LOXHD1: variants seen among roughly 807,000 people sequenced by gnomAD.
LOXHD1 encodes the protein lipoxygenase homology domain-containing protein 1.
Under a neutral mutation model 248.2 loss-of-function variants are expected in LOXHD1, and 205 were observed. That is an observed-to-expected ratio of 0.83 (90% confidence interval 0.74 to 0.93). The LOEUF is 0.93. Among genes scored for constraint, LOXHD1 ranks in the 40% least tolerant of loss-of-function variants. The pLI, the probability that LOXHD1 is intolerant of heterozygous loss-of-function variation, is 0.00. For synonymous variants in LOXHD1, 1,113 were observed against 1,162.8 expected (o/e 0.96, Z 0.87); for missense variants, 2,930 against 2,971.6 (o/e 0.99, Z 0.33).
chr18:46,621,295 G>C (rs1002862363), intron 4 of LOXHD1, among the ~76,000 whole-genome samples: 4 of 152,176 alleles, frequency 2.6e-5, no homozygotes, highest in Non-Finnish European at 4.4e-5. Context: ...CCATTTTTTA[G>C]AAGTCCCCAT....
intron 34 of LOXHD1, among the ~76,000 whole-genome samples, chr18:46,515,262 G>A (rs2035187562): frequency 6.6e-6 from 1 of 152,160 alleles, no homozygotes; most frequent in South Asian, 2.1e-4. Flanking sequence ...AGCAAGCTGT[G>A]CCCATGACAC....
intron 21 of LOXHD1, among the ~76,000 whole-genome samples, chr18:46,551,057 C>T (rs1788270): frequency 6.6e-6 from 1 of 151,950 alleles, no homozygotes; most frequent in Non-Finnish European, 1.5e-5. Context: ...TTCTCATCCC[C>T]TTCTTCAAAA....
chr18:46,601,424 C>A lies in LOXHD1; in HGVS notation c.927G>T (p.Gly309=), dbSNP rs749677224. 1.2e-5 allele frequency: 18 copies of A among 1,551,694 alleles called. No homozygotes were observed. Among genetic ancestry groups the A allele is most frequent in the African/African-American group, 5.5e-5 (4 of 73,146 alleles). The change falls in exon 8 of 41, where the codon GGG becomes GGT. Residue 309 remains glycine (G), a synonymous_variant. Coordinates refer to ENST00000642948, the MANE Select transcript of LOXHD1 (RefSeq NM_001384474.1). The part of the protein sequence containing the change: ...IVTVFTGDVR[G]AGTKSKIYLV... The stretch of plus-strand genomic sequence containing the variant: ...AGTAGATTTTGGATTTGGTACCAGC[C>A]CCCCGGACATCCCCAGTGAAGACGG...
intron 34 of LOXHD1, among the ~76,000 whole-genome samples, chr18:46,512,111 G>A (rs2034996746): frequency 6.6e-6 from 1 of 152,176 alleles, no homozygotes; most frequent in African/African-American, 2.4e-5. Context: ...CAGCCTAGGA[G>A]GATGAGAGGA....
intron 24 of LOXHD1, 81 bp from the exon 25 acceptor site, chr18:46,542,021 T>G: frequency 7.4e-7 from 1 of 1,353,906 alleles, no homozygotes; most frequent in Non-Finnish European, 9.9e-7. Context: ...GACTCCTGAC[T>G]TCCTTCCTTA....
Position 46,579,762 on chromosome 18 carries a change from C to G in LOXHD1, c.1677G>C (p.Val559=). 1 of 1,551,830 alleles carries G rather than the reference C, an allele frequency of 6.4e-7. No homozygotes were observed. The highest frequency in any genetic ancestry group is 8.7e-7 in the Non-Finnish European group (1 of 1,147,018). Residue 559 remains valine, a synonymous_variant, in exon 13 of 41, where the codon GTG becomes GTC. Coordinates refer to ENST00000642948, the MANE Select transcript of LOXHD1 (RefSeq NM_001384474.1). ...CAGCACCTTCAAGTTCACCTGTGCACACAGTCACATGGTACCGGGCCACTG... is the reference window on the plus strand; with the variant it reads ...CAGCACCTTCAAGTTCACCTGTGCAGACAGTCACATGGTACCGGGCCACTG... The part of the protein sequence containing the change: ...IMGMARYHVT[V]CTGELEGAGT...
chr18:46,591,480 TTAAAG>T (rs1163565332), intron 12 of LOXHD1, among the ~76,000 whole-genome samples: 6 of 152,372 alleles, frequency 3.9e-5, no homozygotes, highest in African/African-American at 4.8e-5. Flanking sequence ...GATTCCACAT[TTAAAG>T]CTTAGTCCTT....
chr18:46,591,809 T>C, intron 12 of LOXHD1, 124 bp downstream of exon 12: 1 of 1,238,250 alleles, frequency 8.1e-7, no homozygotes, highest in Non-Finnish European at 1.1e-6. Flanking sequence ...CCAAATCCAC[T>C]CTGGCACTCT....
chr18:46,640,306 T>C (rs1463276008), intron 3 of LOXHD1, among the ~76,000 whole-genome samples: 3 of 152,208 alleles, frequency 2.0e-5, no homozygotes, highest in Non-Finnish European at 4.4e-5. Context: ...ACACAGCTTA[T>C]ACCCTGGGGC....
chr18:46,645,630 G>A (rs1438088976), intron 2 of LOXHD1, among the ~76,000 whole-genome samples: 1 of 152,124 alleles, frequency 6.6e-6, no homozygotes, highest in Non-Finnish European at 1.5e-5. Flanking sequence ...GCTTAACTGG[G>A]GTGGGGTCGG....
intron 4 of LOXHD1, among the ~76,000 whole-genome samples, chr18:46,631,591 G>T (rs2038823440): frequency 6.6e-6 from 1 of 152,166 alleles, no homozygotes. Context: ...AAAAGAGGAG[G>T]ATGAAAGAGA....
intron 14 of LOXHD1, among the ~76,000 whole-genome samples, chr18:46,575,028 G>GA (rs2037828328): frequency 6.6e-6 from 1 of 152,148 alleles, no homozygotes; most frequent in Admixed American, 6.5e-5. Flanking sequence ...CAGTTCCCTG[G>GA]CTTTAAATTC....
At chr18:46,554,189 G>A (rs1206912) in intron 21 of LOXHD1, among the ~76,000 whole-genome samples, 1 of 152,144 alleles carries the variant, frequency 6.6e-6, no homozygotes, top group Non-Finnish European at 1.5e-5. Flanking sequence ...GAAGATAGAA[G>A]GGATGAGGTC....
At chr18:46,635,286 G>A (rs1211832088) in intron 4 of LOXHD1, among the ~76,000 whole-genome samples, 1 of 152,106 alleles carries the variant, frequency 6.6e-6, no homozygotes, top group Non-Finnish European at 1.5e-5. Context: ...GCAACTGATG[G>A]GGGTTATGTA....
chr18:46,632,375 G>T (rs569368470), intron 4 of LOXHD1, among the ~76,000 whole-genome samples: 1 of 152,072 alleles, frequency 6.6e-6, no homozygotes, highest in Non-Finnish European at 1.5e-5. Flanking sequence ...TGAGGGCAGG[G>T]ACTATGTCCT....
intron 21 of LOXHD1, among the ~76,000 whole-genome samples, chr18:46,550,962 ATTG>A (rs2037073223): frequency 6.6e-6 from 1 of 152,126 alleles, no homozygotes; most frequent in African/African-American, 2.4e-5. Context: ...CTGCTTACTC[ATTG>A]TTGTATCCAC....
chr18:46,546,573 T>G (rs2036851368), intron 22 of LOXHD1, among the ~76,000 whole-genome samples: 1 of 145,968 alleles, frequency 6.9e-6, no homozygotes, highest in African/African-American at 2.5e-5. Flanking sequence ...CATTCCAATC[T>G]ATTCCATTCC....
intron 14 of LOXHD1, 83 bp from the exon 15 acceptor site, chr18:46,572,245 A>C: frequency 8.4e-7 from 1 of 1,195,164 alleles, no homozygotes; most frequent in Non-Finnish European, 1.2e-6. Flanking sequence ...CAGAGTCACT[A>C]TGGAGGCCCA....
Position 46,592,004 on chromosome 18 carries a change from G to A in LOXHD1, c.1583C>T (p.Ala528Val), listed in dbSNP as rs767303119. ...CACTATCTCATTGTCATCCTCATTGGCATCCAGCCAGCGGTTGCAATTGAA... is the reference window on the plus strand; with the variant it reads ...CACTATCTCATTGTCATCCTCATTGACATCCAGCCAGCGGTTGCAATTGAA... ...YNFNCNRWLD[A>V]NEDDNEIVRE... The change falls in exon 12 of 41, where the codon GCC becomes GTC. Residue 528 changes from alanine (A) to valine (V), a missense_variant. Physicochemically the swap from Ala to Val is moderately conservative, Grantham distance 64. Transcript: ENST00000642948. 3.9e-6 allele frequency: 6 copies of A among 1,552,056 alleles called. No homozygotes were observed. Among genetic ancestry groups the A allele is most frequent in the Non-Finnish European group, 5.2e-6 (6 of 1,147,092 alleles).
Sources: gnomAD v4.1 joint callset for allele counts (sites outside exome capture counted in the v4.1 genomes callset) on GRCh38, gnomAD v4.1.1 for gene constraint, MANE v1.5 for transcripts, NCBI Gene and HGNC (gene_info 2026-07-23, HGNC 2026-07-21) for gene names.